The following SIN3A variants were observed in gnomAD, a reference collection of about 807,000 sequenced individuals.
The protein encoded by SIN3A is SIN3 transcription regulator family member A, also known as paired amphipathic helix protein Sin3a.
In SIN3A, 14 loss-of-function variants were observed where a neutral mutation model predicts 146.1. The observed-to-expected ratio is 0.10, with a 90% CI of 0.06 to 0.15. The LOEUF is 0.15. Among genes scored for constraint, SIN3A ranks in the 10% least tolerant of loss-of-function variants. SIN3A has a pLI of 1.00. For missense variants in SIN3A, 1,028 were observed against 1,576.0 expected (o/e 0.65, Z 5.89); for synonymous variants, 572 against 572.0 (o/e 1.00, Z 0.00).
At position 75,372,199 on chromosome 15, in the gene SIN3A, C is replaced by A. The variant is rs771459621; in HGVS notation, c.3602G>T (p.Arg1201Leu). 2 of 1,590,732 alleles carry A rather than the reference C, an allele frequency of 1.3e-6. No individual in the cohort carries two copies. The change falls in exon 21 of 21, where the codon CGT (arginine) becomes CTT (leucine). Residue 1201 changes from arginine to leucine, a missense_variant. This residue lies in a region of SIN3A where 488 missense variants were observed against 690.2 expected (regional missense o/e 0.71). Transcript: ENST00000394947. ...ALLRAHQSHE[R>L]VSKRLHQRFQ... The stretch of plus-strand genomic sequence containing the variant: ...TCTCTGATGTAGACGCTTGCTTACA[C>A]GCTCATGGGACTGCAAAACAGAAAA...
chr15:75,408,802 A>C (rs891307889), intron 8 of SIN3A, among the ~76,000 whole-genome samples: 4 of 152,232 alleles, frequency 2.6e-5, no homozygotes, highest in African/African-American at 9.6e-5. Flanking sequence ...AGAGATCTCA[A>C]AAAACACATG....
intron 20 of SIN3A, among the ~76,000 whole-genome samples, chr15:75,374,373 G>A (rs970535732): frequency 2.0e-5 from 3 of 152,124 alleles, no homozygotes; most frequent in Admixed American, 6.5e-5. Flanking sequence ...GAGACACAGC[G>A]AAACTCTGTC....
At position 75,394,673 on chromosome 15, in the gene SIN3A, C is replaced by G. The variant is rs142160246; in HGVS notation, c.2277+7G>C. On this transcript the variant is annotated splice_region_variant and intron_variant, in intron 14 of 20. Transcript: ENST00000394947. ...TCCTCTCACAGATGCAGAAACCCCC[C>G]GCTCACCTCATCATAGATACTCTCA... The G allele has an allele frequency of 4.6e-5, 73 of 1,601,508 alleles. No homozygotes were observed. The highest frequency in any genetic ancestry group is 5.7e-5 in the Non-Finnish European group (67 of 1,174,228).
chr15:75,452,317 C>G (rs2074424428), upstream of SIN3A, among the ~76,000 whole-genome samples: 1 of 152,174 alleles, frequency 6.6e-6, no homozygotes, highest in Non-Finnish European at 1.5e-5. Context: ...AATGTTTACA[C>G]TAGAGACTGA....
intron 1 of SIN3A, among the ~76,000 whole-genome samples, chr15:75,441,554 G>A (rs568481246): frequency 6.6e-6 from 1 of 151,884 alleles, no homozygotes; most frequent in Admixed American, 6.6e-5. Context: ...TCAGCCTCCC[G>A]AGTAGCTGGT....
At chr15:75,431,943 C>A (rs1212244595) in intron 1 of SIN3A, among the ~76,000 whole-genome samples, 1 of 152,184 alleles carries the variant, frequency 6.6e-6, no homozygotes, top group African/African-American at 2.4e-5. Flanking sequence ...TAAACTCAAG[C>A]CACAAATATG....
intron 3 of SIN3A, 46 bp from the exon 4 acceptor site, chr15:75,414,357 A>C: frequency 4.7e-6 from 5 of 1,062,688 alleles, no homozygotes; most frequent in Non-Finnish European, 6.5e-6. Context: ...AAGTAAGCTC[A>C]TAATTACAAA....
At chr15:75,449,590 G>A (rs1281744697) in intron 1 of SIN3A, among the ~76,000 whole-genome samples, 4 of 152,184 alleles carry the variant, frequency 2.6e-5, no homozygotes, top group African/African-American at 4.8e-5. Flanking sequence ...CAACGCTACA[G>A]AAGTCACATA....
Position 75,389,633 on chromosome 15 carries a change from G to T in SIN3A, c.3021+19C>A, listed in dbSNP as rs1480285192. 6.2e-7 allele frequency: 1 copy of T among 1,613,194 alleles called. No individual in the cohort carries two copies. On this transcript the variant is annotated intron_variant, in intron 16 of 20. Transcript: ENST00000394947. Reference sequence around the variant, plus strand: ...AGGATTTCTTCCCTTACTCACCCTAGCCTCCTCCATGCCCTCACCTGTCTG... The same window carrying T: ...AGGATTTCTTCCCTTACTCACCCTATCCTCCTCCATGCCCTCACCTGTCTG...
chr15:75,394,293 G>A (rs944262574), intron 14 of SIN3A, among the ~76,000 whole-genome samples: 5 of 152,312 alleles, frequency 3.3e-5, no homozygotes, highest in African/African-American at 1.2e-4. Context: ...GTCCTGGTAG[G>A]CATGCTGAAT....
chr15:75,400,809 C>T lies in SIN3A; in HGVS notation c.1658G>A (p.Arg553Gln). The T allele has an allele frequency of 4.3e-6, 7 of 1,614,130 alleles. No homozygotes were observed. Among genetic ancestry groups the T allele is most frequent in the Non-Finnish European group, 5.9e-6 (7 of 1,180,032 alleles). Residue 553 changes from arginine to glutamine, a missense_variant, in exon 11 of 21, where the codon CGA becomes CAA. By Grantham distance (43) the Arg-to-Gln change is conservative. Around this residue, in one of 9 missense-constraint regions of SIN3A, gnomAD observed 157 missense variants for 284.8 expected, o/e 0.55. Transcript: ENST00000394947. ...AMEIDYASCK[R>Q]LGSSYRALPK... ...TAAGGCTCGATAGCTGGAGCCCAAT[C>T]GTTTACAAGAAGCATAATCTATCTC...
chr15:75,398,165 T>C (rs1245095779), intron 12 of SIN3A, among the ~76,000 whole-genome samples: 1 of 152,180 alleles, frequency 6.6e-6, no homozygotes, highest in Non-Finnish European at 1.5e-5. Context: ...GCACAGCCAG[T>C]CAATTTAATG....
intron 1 of SIN3A, among the ~76,000 whole-genome samples, chr15:75,442,010 C>T (rs997690880): frequency 2.6e-5 from 4 of 151,058 alleles, no homozygotes; most frequent in Non-Finnish European, 4.4e-5. Context: ...GTCCCAGCTA[C>T]TCGGGAGGCT....
chr15:75,427,359 C>T (rs1011238590), intron 2 of SIN3A, among the ~76,000 whole-genome samples: 6 of 148,622 alleles, frequency 4.0e-5, no homozygotes, highest in East Asian at 2.0e-4. Flanking sequence ...GGCGACAGAG[C>T]GAGACACCAT....
At chr15:75,396,235 T>C (rs1042283389) in intron 13 of SIN3A, 23 bp downstream of exon 13, 2 of 1,534,338 alleles carry the variant, frequency 1.3e-6, no homozygotes, top group African/African-American at 1.4e-5. Context: ...ACTAAAGCAC[T>C]AAGGGCACAT....
At chr15:75,399,734 C>T (rs562720559) in intron 12 of SIN3A, among the ~76,000 whole-genome samples, 1 of 152,328 alleles carries the variant, frequency 6.6e-6, no homozygotes, top group South Asian at 2.1e-4. Flanking sequence ...TGATTTTCTT[C>T]ACCATGCAAA....
intron 16 of SIN3A, among the ~76,000 whole-genome samples, chr15:75,386,017 T>G (rs1160367946): frequency 6.6e-6 from 1 of 152,202 alleles, no homozygotes; most frequent in Non-Finnish European, 1.5e-5. Context: ...ATACAGATGC[T>G]TCCACTTTCT....
chr15:75,387,266 C>T (rs1010886582), intron 16 of SIN3A, among the ~76,000 whole-genome samples: 1 of 151,960 alleles, frequency 6.6e-6, no homozygotes. Context: ...GGCTCATGCC[C>T]GTAATCGCAG....
At chr15:75,449,479 A>G (rs1273536546) in intron 1 of SIN3A, among the ~76,000 whole-genome samples, 3 of 152,226 alleles carry the variant, frequency 2.0e-5, no homozygotes, top group Non-Finnish European at 2.9e-5. Flanking sequence ...TCTCAATAGG[A>G]AAAGATAATG....
Sources: allele counts gnomAD v4.1 joint callset (sites outside exome capture counted in the v4.1 genomes callset), GRCh38; gene constraint gnomAD v4.1.1; regional missense constraint gnomAD v4.1.1; transcripts MANE v1.5; gene names NCBI Gene and HGNC (gene_info 2026-07-23, HGNC 2026-07-21).